Variants in PDE9A observed in about 807,000 individuals in gnomAD.
The protein encoded by PDE9A is phosphodiesterase 9A, also known as high affinity cGMP-specific 3',5'-cyclic phosphodiesterase 9A.
In PDE9A, 60 loss-of-function variants were observed where a neutral mutation model predicts 87.4. That is an observed-to-expected ratio of 0.69 (90% CI 0.56 to 0.85). The LOEUF (loss-of-function observed/expected upper bound fraction) is 0.85. Among genes scored for constraint, PDE9A ranks in the 40% least tolerant of loss-of-function variants. The pLI, the probability that PDE9A is intolerant of heterozygous loss-of-function variation, is 0.00. For missense variants in PDE9A, 665 were observed against 779.0 expected (o/e 0.85, Z 1.74); for synonymous variants, 272 against 279.4 (o/e 0.97, Z 0.27).
intron 3 of PDE9A, among the ~76,000 whole-genome samples, chr21:42,689,226 G>A (rs1035784358): frequency 6.6e-6 from 1 of 152,238 alleles, no homozygotes; most frequent in Non-Finnish European, 1.5e-5. Flanking sequence ...GAGCTGTCCT[G>A]GTCAGCCGTC....
chr21:42,760,323 C>T lies in PDE9A; in HGVS notation c.898-5C>T, dbSNP rs753818602. ...AGGGTGACTCGGACCCCCTGCCTCCCGCAGTTCTGCGTCCACGACAACTAC... is the reference window on the plus strand; with the variant it reads ...AGGGTGACTCGGACCCCCTGCCTCCTGCAGTTCTGCGTCCACGACAACTAC... On this transcript the variant is annotated splice_region_variant and splice_polypyrimidine_tract_variant and intron_variant, in intron 11 of 19. Coordinates refer to ENST00000291539, the MANE Select transcript of PDE9A (RefSeq NM_002606.3). The surrounding 1 kb of genome is among the most constrained non-coding windows in gnomAD (Gnocchi z 5.2). The T allele has an allele frequency of 8.8e-6, 14 of 1,582,096 alleles. No individual in the cohort carries two copies. The highest frequency in any genetic ancestry group is 3.3e-5 in the South Asian group (3 of 90,774).
intron 1 of PDE9A, among the ~76,000 whole-genome samples, chr21:42,655,541 A>G (rs1831862260): frequency 6.6e-6 from 1 of 152,166 alleles, no homozygotes; most frequent in South Asian, 2.1e-4. Flanking sequence ...AAGACATGGC[A>G]TGTGGCACCT....
intron 8 of PDE9A, among the ~76,000 whole-genome samples, chr21:42,750,899 T>C (rs562527155): frequency 1.3e-5 from 2 of 151,994 alleles, no homozygotes; most frequent in African/African-American, 4.8e-5. Flanking sequence ...CATCTGACTT[T>C]CTGTGTGTTT....
At chr21:42,774,990 G>A (rs373269182) in intron 19 of PDE9A, among the ~76,000 whole-genome samples, 95 of 150,882 alleles carry the variant, frequency 6.3e-4, no homozygotes, top group African/African-American at 2.3e-3. Context: ...TGCCCAGGCT[G>A]GAGTGCAGTG....
Position 42,772,514 on chromosome 21 carries a change from A to G in PDE9A, c.1762A>G (p.Ser588Gly), listed in dbSNP as rs1404226873. The change falls in exon 19 of 20, where the codon AGT becomes GGT. Residue 588 changes from serine to glycine, a missense_variant. Physicochemically the swap from Ser to Gly is moderately conservative, Grantham distance 56. Transcript: ENST00000291539. ...AGAGAGAAGCAGAGATGTGAAAAACAGTGAAGGTAATGCTTGCTCTGCTGA... is the reference window on the plus strand; with the variant it reads ...AGAGAGAAGCAGAGATGTGAAAAACGGTGAAGGTAATGCTTGCTCTGCTGA... ...SRERSRDVKN[S>G]EGDCA The G allele has an allele frequency of 3.1e-6, 5 of 1,599,942 alleles. No individual in the cohort carries two copies. The highest frequency in any genetic ancestry group is 1.3e-5 in the African/African-American group (1 of 74,734).
chr21:42,676,656 C>T (rs954781407), intron 1 of PDE9A, among the ~76,000 whole-genome samples: 9 of 152,148 alleles, frequency 5.9e-5, no homozygotes, highest in African/African-American at 1.9e-4. Context: ...GTTTAGCACT[C>T]GCCCATTGGA....
Position 42,770,727 on chromosome 21 carries a change from A to G in PDE9A, c.1615A>G (p.Met539Val), listed in dbSNP as rs143437759. The change falls in exon 18 of 20, where the codon ATG becomes GTG. Residue 539 changes from methionine to valine, a missense_variant. Coordinates refer to ENST00000291539, the MANE Select transcript of PDE9A (RefSeq NM_002606.3). ...GCTCTTCCCCATGGTTGAGGAGATC[A>G]TGCTGCAGCCACTTTGGGAATCCCG... is the stretch of plus-strand genomic sequence containing the variant. ...TKLFPMVEEIMLQPLWESRDR... is the reference protein window; with the variant it reads ...TKLFPMVEEIVLQPLWESRDR... 1.1e-5 allele frequency: 17 copies of G among 1,613,892 alleles called. No individual in the cohort carries two copies. The highest frequency in any genetic ancestry group is 1.4e-5 in the Non-Finnish European group (17 of 1,179,724).
At chr21:42,761,638 G>A (rs541882409) in intron 13 of PDE9A, among the ~76,000 whole-genome samples, 2 of 152,272 alleles carry the variant, frequency 1.3e-5, no homozygotes, top group South Asian at 4.1e-4. Context: ...CGCTCCTCCC[G>A]GGGCCATCAC....
At chr21:42,679,300 G>A (rs530078129) in intron 1 of PDE9A, among the ~76,000 whole-genome samples, 342 of 152,242 alleles carry the variant, frequency 2.2e-3, no homozygotes, top group Non-Finnish European at 4.1e-3. Context: ...ATTTCCACTC[G>A]GAACCCTGAG....
At chr21:42,674,174 C>A (rs1205729960) in intron 1 of PDE9A, among the ~76,000 whole-genome samples, 1 of 152,152 alleles carries the variant, frequency 6.6e-6, no homozygotes, top group African/African-American at 2.4e-5. Flanking sequence ...CCAAGCAGGA[C>A]CCCTGCCCAG....
chr21:42,746,878 A>G (rs2053912226), intron 8 of PDE9A, among the ~76,000 whole-genome samples: 1 of 152,158 alleles, frequency 6.6e-6, no homozygotes, highest in Admixed American at 6.5e-5. Context: ...CATAAACCAA[A>G]GACAAGGAGA....
rs907733793 is a variant in PDE9A, at chr21:42,723,354, G to C, written c.263-8416G>C. Among the ~76,000 whole-genome samples, 2 of 152,256 alleles carry C rather than the reference G, an allele frequency of 1.3e-5. No individual in the cohort carries two copies. Among genetic ancestry groups the C allele is most frequent in the African/African-American group, 2.4e-5 (1 of 41,466 alleles). ...CTGCCAGCCCCGGCCAGCATTCCCT[G>C]CATGTGCTTATCAAGTGAGGAGGCC... On this transcript the variant is annotated intron_variant, in intron 4 of 19. Transcript: ENST00000291539. The surrounding 1 kb of genome is among the most constrained non-coding windows in gnomAD (Gnocchi z 4.3).
At chr21:42,727,077 C>CAAAAAA (rs34249348) in intron 4 of PDE9A, among the ~76,000 whole-genome samples, 4 of 81,684 alleles carry the variant, frequency 4.9e-5, no homozygotes, top group African/African-American at 4.9e-5. Context: ...TCTATTTCTA[C>CAAAAAA]AAAAAAAAAA....
At chr21:42,689,194 G>A (rs2059653304) in intron 3 of PDE9A, among the ~76,000 whole-genome samples, 1 of 151,950 alleles carries the variant, frequency 6.6e-6, no homozygotes, top group African/African-American at 2.4e-5. Flanking sequence ...CCCCCTCAGC[G>A]AGGTCCCAGT....
intron 1 of PDE9A, among the ~76,000 whole-genome samples, chr21:42,670,247 A>T (rs62642827): frequency 0.11 from 16,988 of 149,720 alleles, 3,091 homozygotes; most frequent in African/African-American, 0.39. Context: ...ACACTCATAC[A>T]CATACATACA....
chr21:42,765,015 ATGG>A (rs1569271455), intron 14 of PDE9A, among the ~76,000 whole-genome samples: 4 of 145,826 alleles, frequency 2.7e-5, no homozygotes, highest in African/African-American at 7.9e-5. Flanking sequence ...GGATGGATGG[ATGG>A]ATGGGTGGAT....
chr21:42,755,120 A>G (rs1205075158), intron 10 of PDE9A, among the ~76,000 whole-genome samples: 1 of 152,240 alleles, frequency 6.6e-6, no homozygotes, highest in Admixed American at 6.5e-5. Context: ...GCTGTTTTCA[A>G]CGCACCAAAA....
At chr21:42,687,756 C>T (rs1335317713) in intron 2 of PDE9A, among the ~76,000 whole-genome samples, 161 bp from the exon 3 acceptor site, 1 of 152,176 alleles carries the variant, frequency 6.6e-6, no homozygotes, top group Non-Finnish European at 1.5e-5. Context: ...AGTCTCAATG[C>T]CCTGGGGACG....
rs184802701 is a variant in PDE9A, at chr21:42,722,436, C to T, written c.263-9334C>T. The stretch of plus-strand genomic sequence containing the variant: ...CATGCAAATCTAAGCCCAGTGATGC[C>T]GTGCAATGGCTACGATCAAGGGCAA... On this transcript the variant is annotated intron_variant, in intron 4 of 19. Coordinates refer to ENST00000291539, the MANE Select transcript of PDE9A (RefSeq NM_002606.3). This position sits in a 1 kb window ranked among gnomAD's most constrained non-coding sequence, Gnocchi z 4.1. 2.7e-3 allele frequency among the ~76,000 whole-genome samples: 410 copies of T among 152,292 alleles called. 1 individual carries two copies. The highest frequency in any genetic ancestry group is 2.6e-3 in the Non-Finnish European group (174 of 68,028).
Sources: gnomAD v4.1 joint callset for allele counts (sites outside exome capture counted in the v4.1 genomes callset) on GRCh38, gnomAD v4.1.1 for gene constraint, Gnocchi (gnomAD v3.1) non-coding constraint, MANE v1.5 for transcripts, NCBI Gene and HGNC (gene_info 2026-07-23, HGNC 2026-07-21) for gene names.